Variants in LRCH4 observed in about 807,000 individuals in gnomAD.
LRCH4 encodes the protein leucine rich repeats and calponin homology domain containing 4, also known as leucine-rich repeat and calponin homology domain-containing protein 4.
LRCH4 carries 56 observed loss-of-function variants against 81.2 expected under a neutral mutation model. That is an observed-to-expected ratio of 0.69 (90% confidence interval 0.56 to 0.86). The LOEUF (loss-of-function observed/expected upper bound fraction) is 0.86, where lower values mean the gene tolerates loss of function less well. Among genes scored for constraint, LRCH4 ranks in the 40% least tolerant of loss-of-function variants. LRCH4 has a pLI of 0.00. For synonymous variants in LRCH4, 442 were observed against 409.7 expected, an observed-to-expected ratio of 1.08 and a Z score of -0.95; for missense variants, 895 against 922.8, an observed-to-expected ratio of 0.97 and a Z score of 0.39.
chr7:100,580,445 C>CACACACACACAA (rs545341427), intron 4 of LRCH4: 4 of 135,686 alleles, frequency 2.9e-5, no homozygotes, highest in Admixed American at 7.2e-5. Flanking sequence ...CACACACACA[C>CACACACACACAA]AAAACCCACA....
intron 1 of LRCH4, among the ~76,000 whole-genome samples, chr7:100,584,375 A>G (rs1229690742): frequency 2.0e-5 from 3 of 151,064 alleles, no homozygotes; most frequent in Non-Finnish European, 3.0e-5. Flanking sequence ...CCCCCCCCCA[A>G]GCTCACAGGA....
At chr7:100,581,536 T>A in intron 4 of LRCH4, 1 of 454,584 alleles carries the variant, frequency 2.2e-6, no homozygotes, top group Non-Finnish European at 3.9e-6. Context: ...CCCAGAGGGC[T>A]GTCTCTGCTC....
Position 100,582,119 on chromosome 7 carries a change from C to CAGGGGCAGCTGGCAGATGTAG in LRCH4, c.393_413dup (p.Tyr132_Leu138dup), listed in dbSNP as rs1446812774. On this transcript the variant is annotated inframe_insertion, in exon 3 of 18. Transcript: ENST00000310300. The surrounding 1 kb of genome is among the most constrained non-coding windows in gnomAD (Gnocchi z 5.0). ...TGTTGTTGCTGACGATGAGGACCCT[C>CAGGGGCAGCTGGCAGATGTAG]AGGGGCAGCTGGCAGATGTAGGGTG... is the stretch of plus-strand genomic sequence containing the variant. The CAGGGGCAGCTGGCAGATGTAG allele has an allele frequency of 6.2e-7, 1 of 1,612,786 alleles. No homozygotes were observed. The highest frequency in any genetic ancestry group is 1.1e-5 in the South Asian group (1 of 91,024).
rs1261423675 is a variant in LRCH4, at chr7:100,584,006, G to A, written c.221-1547C>T. 10 of 367,652 alleles carry A rather than the reference G, an allele frequency of 2.7e-5. 1 individual carries two copies. Among genetic ancestry groups the A allele is most frequent in the South Asian group, 9.7e-5 (5 of 51,344 alleles). The allele number at this position is 367,652 out of a possible 1,614,324, so 22.8% of individuals were successfully genotyped here. A position where few individuals can be genotyped will look rare whatever the true frequency, so the allele number is the denominator to read the frequency against. On this transcript the variant is annotated intron_variant, in intron 1 of 17. Transcript: ENST00000310300. Reference sequence around the variant, plus strand: ...CTCCTTTGCAAGATGGCCCCTCCCCGCCACCTCAGGATTCTTCCTACTATC... The same window carrying A: ...CTCCTTTGCAAGATGGCCCCTCCCCACCACCTCAGGATTCTTCCTACTATC...
chr7:100,585,726 T>C (rs922225846), intron 1 of LRCH4, among the ~76,000 whole-genome samples, 155 bp downstream of exon 1: 3 of 151,558 alleles, frequency 2.0e-5, no homozygotes, highest in Admixed American at 6.6e-5. Flanking sequence ...TTCTCAAAGA[T>C]GGGAGAGGAT....
rs1801293667 is a variant in LRCH4, at chr7:100,574,877, C to T, written c.*230G>A. On this transcript the variant is annotated 3_prime_UTR_variant, in exon 18 of 18. Coordinates refer to ENST00000310300, the MANE Select transcript of LRCH4 (RefSeq NM_002319.5). ...GGCAGGGCCGGCGGGGACATGAAGGCACCGTCAGCACTGAGAGGTGGGGAC... is the reference window on the plus strand; with the variant it reads ...GGCAGGGCCGGCGGGGACATGAAGGTACCGTCAGCACTGAGAGGTGGGGAC... 2 of 476,388 alleles carry T rather than the reference C, an allele frequency of 4.2e-6. No homozygotes were observed. Among genetic ancestry groups the T allele is most frequent in the Non-Finnish European group, 3.7e-6 (1 of 266,988 alleles). The allele number at this position is 476,388 out of a possible 1,614,324, so 29.5% of individuals were successfully genotyped here. A position where few individuals can be genotyped will look rare whatever the true frequency, so the allele number is the denominator to read the frequency against.
rs1801411134 is a variant in LRCH4 at position 100,577,536 on chromosome 7, C to T, written c.1139G>A (p.Ser380Asn). 1 of 1,610,696 alleles carries T rather than the reference C, an allele frequency of 6.2e-7. No homozygotes were observed. The highest frequency in any genetic ancestry group is 8.5e-7 in the Non-Finnish European group (1 of 1,179,962). ...TVEEQRPPEL[S>N]PGAGDRERAP... ...CCTCTCCCTGTCCCCTGCCCCAGGG[C>T]TTAATTCGGGTGGTCGCTGCTCCTA... Residue 380 changes from serine (S) to asparagine (N), a missense_variant, in exon 10 of 18, where the codon AGC (serine) becomes AAC (asparagine). This residue lies in a region of LRCH4 where 529 missense variants were observed against 504.9 expected (regional missense o/e 1.05). Coordinates refer to ENST00000310300, the MANE Select transcript of LRCH4 (RefSeq NM_002319.5). This position sits in a 1 kb window ranked among gnomAD's most constrained non-coding sequence, Gnocchi z 6.7.
Position 100,575,348 on chromosome 7 carries a change from T to TCAGCAG in LRCH4, c.1855-50_1855-45dup. ...GGTGGACAAGGACAAGGGACAGACG[T>TCAGCAG]CAGCAGCAGCAGCAGGACAGTCCCT... On this transcript the variant is annotated intron_variant, in intron 17 of 17. Coordinates refer to ENST00000310300, the MANE Select transcript of LRCH4 (RefSeq NM_002319.5). The surrounding 1 kb of genome is among the most constrained non-coding windows in gnomAD (Gnocchi z 5.3). The TCAGCAG allele has an allele frequency of 6.7e-7, 1 of 1,485,612 alleles. No homozygotes were observed. Among genetic ancestry groups the TCAGCAG allele is most frequent in the Non-Finnish European group, 9.1e-7 (1 of 1,103,754 alleles). 92.0% of individuals were successfully genotyped at this position (1,485,612 alleles called of 1,614,324 possible).
Position 100,575,507 on chromosome 7 carries a change from C to T in LRCH4, c.1854+198G>A, listed in dbSNP as rs1010315692. 1.2e-6 allele frequency: 1 copy of T among 850,650 alleles called. No individual in the cohort carries two copies. The highest frequency in any genetic ancestry group is 1.7e-5 in the African/African-American group (1 of 60,116). The allele number at this position is 850,650 out of a possible 1,614,324, so 52.7% of individuals were successfully genotyped here. On this transcript the variant is annotated intron_variant, in intron 17 of 17. Coordinates refer to ENST00000310300, the MANE Select transcript of LRCH4 (RefSeq NM_002319.5). The surrounding 1 kb of genome is among the most constrained non-coding windows in gnomAD (Gnocchi z 5.3). ...GGTGACATGCAGGACAAGATGGGGC[C>T]TGCAGGGCAGGGGATGTGTAGGACA... is the stretch of plus-strand genomic sequence containing the variant.
intron 1 of LRCH4, among the ~76,000 whole-genome samples, chr7:100,585,521 G>A (rs944353036): frequency 6.6e-6 from 1 of 151,922 alleles, no homozygotes; most frequent in Non-Finnish European, 1.5e-5. Context: ...GTTATTAGAG[G>A]AGCTCGTGGG....
intron 1 of LRCH4, chr7:100,585,207 G>C (rs1245585297): frequency 5.5e-6 from 1 of 183,168 alleles, no homozygotes; most frequent in African/African-American, 2.4e-5. Context: ...TGAGGTCACA[G>C]GCTCCACAGT....
chr7:100,575,058 T>C lies in LRCH4; in HGVS notation c.*49A>G. On this transcript the variant is annotated 3_prime_UTR_variant, in exon 18 of 18. Coordinates refer to ENST00000310300, the MANE Select transcript of LRCH4 (RefSeq NM_002319.5). This position sits in a 1 kb window ranked among gnomAD's most constrained non-coding sequence, Gnocchi z 5.3. ...GTGGGGTCGGGTGGAGCAGGGACCT[T>C]ATAAATAGAGAGGAAGGGAAAGGGG... 1 of 1,543,804 alleles carries C rather than the reference T, an allele frequency of 6.5e-7. No homozygotes were observed. The highest frequency in any genetic ancestry group is 8.8e-7 in the Non-Finnish European group (1 of 1,137,696).
intron 15 of LRCH4, 55 bp downstream of exon 15, chr7:100,576,183 C>T: frequency 6.3e-7 from 1 of 1,575,326 alleles, no homozygotes; most frequent in Admixed American, 1.7e-5. Flanking sequence ...AGGACAGCAA[C>T]ACAAGGAGGT....
chr7:100,581,540 T>G (rs1253293241), intron 4 of LRCH4: 1 of 466,040 alleles, frequency 2.1e-6, no homozygotes, highest in African/African-American at 2.0e-5. Flanking sequence ...GAGGGCTGTC[T>G]CTGCTCTCCG....
Position 100,577,705 on chromosome 7 carries a change from TGTCGATGAA to T in LRCH4, c.1066_1074del (p.Phe356_Asp358del). ...TCTTCATCCTCCCCGGGGACATGGC[TGTCGATGAA>T]GTCAATCTGCACAGGGTCTCCGTCC... On this transcript the variant is annotated inframe_deletion, in exon 9 of 18. Coordinates refer to ENST00000310300, the MANE Select transcript of LRCH4 (RefSeq NM_002319.5). This position sits in a 1 kb window ranked among gnomAD's most constrained non-coding sequence, Gnocchi z 6.7. 2 of 1,614,046 alleles carry T rather than the reference TGTCGATGAA, an allele frequency of 1.2e-6. No individual in the cohort carries two copies. The highest frequency in any genetic ancestry group is 1.7e-6 in the Non-Finnish European group (2 of 1,180,006).
At chr7:100,576,546 G>T in intron 14 of LRCH4, 148 bp downstream of exon 14, 1 of 746,852 alleles carries the variant, frequency 1.3e-6, no homozygotes. Flanking sequence ...TTACAGGTGT[G>T]AGCCACCACA....
chr7:100,575,390 C>T lies in LRCH4; in HGVS notation c.1855-86G>A, dbSNP rs544727100. 1.8e-4 allele frequency: 232 copies of T among 1,265,356 alleles called. No individual in the cohort carries two copies. The highest frequency in any genetic ancestry group is 3.8e-4 in the Admixed American group (18 of 47,638). 78.4% of individuals were successfully genotyped at this position (1,265,356 alleles called of 1,614,324 possible). ...ACAGTCCCTCCCACCCCTGCCCTCA[C>T]GTGCTGGGGCCAGAACCACGCCCAC... On this transcript the variant is annotated intron_variant, in intron 17 of 17. Coordinates refer to ENST00000310300, the MANE Select transcript of LRCH4 (RefSeq NM_002319.5). The surrounding 1 kb of genome is among the most constrained non-coding windows in gnomAD (Gnocchi z 5.3).
In LRCH4 at chr7:100,575,064, T is replaced by TA. The variant is rs1354776325; in HGVS notation, c.*42dup. 2 of 1,552,462 alleles carry TA rather than the reference T, an allele frequency of 1.3e-6. No homozygotes were observed. Among genetic ancestry groups the TA allele is most frequent in the Admixed American group, 1.9e-5 (1 of 52,986 alleles). ...TCGGGTGGAGCAGGGACCTTATAAA[T>TA]AGAGAGGAAGGGAAAGGGGTGAGGG... is the stretch of plus-strand genomic sequence containing the variant. On this transcript the variant is annotated 3_prime_UTR_variant, in exon 18 of 18. Coordinates refer to ENST00000310300, the MANE Select transcript of LRCH4 (RefSeq NM_002319.5). The surrounding 1 kb of genome is among the most constrained non-coding windows in gnomAD (Gnocchi z 5.3).
At position 100,577,927 on chromosome 7, in the gene LRCH4, G is replaced by T. The variant is rs780282564; in HGVS notation, c.949-15C>A. The T allele has an allele frequency of 2.5e-6, 4 of 1,607,160 alleles. No individual in the cohort carries two copies. The highest frequency in any genetic ancestry group is 3.4e-6 in the Non-Finnish European group (4 of 1,173,922). On this transcript the variant is annotated splice_polypyrimidine_tract_variant and intron_variant, in intron 7 of 17. Transcript: ENST00000310300. The surrounding 1 kb of genome is among the most constrained non-coding windows in gnomAD (Gnocchi z 6.7). ...TCATCTGTTGACTGTAAAGGCAGAG[G>T]CAGAGATGGGAGATGGCCTCTCTGT... is the stretch of plus-strand genomic sequence containing the variant.
Sources: gnomAD v4.1 joint callset for allele counts (sites outside exome capture counted in the v4.1 genomes callset) on GRCh38, gnomAD v4.1.1 for gene constraint, gnomAD v4.1.1 regional missense constraint, Gnocchi (gnomAD v3.1) non-coding constraint, MANE v1.5 for transcripts, NCBI Gene and HGNC (gene_info 2026-07-23, HGNC 2026-07-21) for gene names.